The following ARB2A variants were observed in gnomAD, a reference collection of about 807,000 sequenced individuals.
The protein encoded by ARB2A is cotranscriptional regulator ARB2A.
chr5:94,012,713 C>CT, the ARB2A span, among the ~76,000 whole-genome samples: 2 of 151,898 alleles, frequency 1.3e-5, no homozygotes, highest in Non-Finnish European at 1.5e-5. Context: ...ATGCTTATTG[C>CT]TTTTTTTTGT....
the ARB2A span, chr5:93,881,707 A>C: frequency 6.9e-7 from 1 of 1,444,374 alleles, no homozygotes; most frequent in South Asian, 1.5e-5. Context: ...AAATGAAAGA[A>C]GGTAGCATAA....
the ARB2A span, among the ~76,000 whole-genome samples, chr5:93,902,509 T>C: frequency 1.3e-5 from 2 of 152,110 alleles, no homozygotes; most frequent in African/African-American, 2.4e-5. Context: ...CTTTCCCATA[T>C]CAAATTAGAG....
chr5:93,999,943 T>C, the ARB2A span, among the ~76,000 whole-genome samples: 6 of 152,234 alleles, frequency 3.9e-5, no homozygotes, highest in Non-Finnish European at 8.8e-5. Flanking sequence ...TTTTTCCACT[T>C]AGAAATATAT....
the ARB2A span, among the ~76,000 whole-genome samples, chr5:93,631,404 A>G: frequency 6.6e-6 from 1 of 152,204 alleles, no homozygotes; most frequent in East Asian, 1.9e-4. Flanking sequence ...TGTTGCCACA[A>G]GGTCTTGCCT....
the ARB2A span, among the ~76,000 whole-genome samples, chr5:94,106,912 C>T: frequency 6.9e-6 from 1 of 144,654 alleles, no homozygotes; most frequent in African/African-American, 2.5e-5. Flanking sequence ...CATGTTCTCA[C>T]TTATACATGA....
At chr5:93,960,630 G>C in the ARB2A span, among the ~76,000 whole-genome samples, 1 of 152,164 alleles carries the variant, frequency 6.6e-6, no homozygotes, top group Non-Finnish European at 1.5e-5. Context: ...AGCCTCACCA[G>C]TGACTTCCTT....
the ARB2A span, among the ~76,000 whole-genome samples, chr5:94,105,768 G>GA: frequency 0.14 from 18,507 of 129,688 alleles, 1,245 homozygotes; most frequent in Middle Eastern, 0.2. Context: ...CATGGTACTG[G>GA]AAAAAAAAAA....
chr5:93,811,036 C>T, the ARB2A span, among the ~76,000 whole-genome samples: 5 of 152,060 alleles, frequency 3.3e-5, no homozygotes, highest in South Asian at 2.1e-4. Context: ...TTGGTAGGTG[C>T]TATTCTACAT....
At chr5:94,012,744 T>C in the ARB2A span, among the ~76,000 whole-genome samples, 3 of 152,194 alleles carry the variant, frequency 2.0e-5, no homozygotes, top group Admixed American at 6.5e-5. Flanking sequence ...AAGACTGTTA[T>C]CAAGCAGAAT....
At chr5:93,762,509 T>C in the ARB2A span, among the ~76,000 whole-genome samples, 1 of 150,956 alleles carries the variant, frequency 6.6e-6, no homozygotes, top group Non-Finnish European at 1.5e-5. Context: ...GACAAAAGAG[T>C]AAAAAGAAAT....
At chr5:93,734,515 G>A in the ARB2A span, 1 of 152,204 alleles carries the variant, frequency 6.6e-6, no homozygotes, top group Middle Eastern at 3.4e-3. Flanking sequence ...ACATTATTCT[G>A]CTTATACTCT....
chr5:94,055,321 A>G, the ARB2A span, among the ~76,000 whole-genome samples: 1 of 152,200 alleles, frequency 6.6e-6, no homozygotes, highest in Non-Finnish European at 1.5e-5. Flanking sequence ...CAAAAGAAAT[A>G]TCTCAGAAAT....
chr5:93,859,939 G>A, the ARB2A span, among the ~76,000 whole-genome samples: 1 of 152,166 alleles, frequency 6.6e-6, no homozygotes, highest in Non-Finnish European at 1.5e-5. Context: ...CTACTAATAA[G>A]TATAGATTCT....
chr5:94,106,680 T>C, the ARB2A span, among the ~76,000 whole-genome samples: 1 of 152,010 alleles, frequency 6.6e-6, no homozygotes, highest in East Asian at 1.9e-4. Flanking sequence ...TGTACTCATA[T>C]GTCCATCGCA....
the ARB2A span, among the ~76,000 whole-genome samples, chr5:93,949,062 T>C: frequency 6.6e-6 from 1 of 152,170 alleles, no homozygotes; most frequent in African/African-American, 2.4e-5. Flanking sequence ...CATATCTTAC[T>C]AGCTAACCCC....
At chr5:93,822,734 T>C in the ARB2A span, among the ~76,000 whole-genome samples, 1 of 152,006 alleles carries the variant, frequency 6.6e-6, no homozygotes, top group Non-Finnish European at 1.5e-5. Context: ...AGTAGTGTGC[T>C]AAAGAGCTAT....
chr5:93,734,566 T>C, the ARB2A span: 12 of 152,196 alleles, frequency 7.9e-5, no homozygotes, highest in Non-Finnish European at 1.6e-4. Flanking sequence ...ACTTGCCTTG[T>C]CTATAGGAAA....
At chr5:93,678,592 T>C in the ARB2A span, among the ~76,000 whole-genome samples, 3 of 151,896 alleles carry the variant, frequency 2.0e-5, no homozygotes, top group Admixed American at 6.6e-5. Context: ...CCCGTCTTTA[T>C]TAAAAATACA....
the ARB2A span, among the ~76,000 whole-genome samples, chr5:93,656,766 T>C: frequency 6.6e-6 from 1 of 152,140 alleles, no homozygotes; most frequent in African/African-American, 2.4e-5. Flanking sequence ...GTTTTAAAAT[T>C]TGTTCAGGAT....
Sources: gnomAD v4.1 joint callset for allele counts (sites outside exome capture counted in the v4.1 genomes callset) on GRCh38, gnomAD v4.1.1 for gene constraint, MANE v1.5 for transcripts, NCBI Gene and HGNC (gene_info 2026-07-23, HGNC 2026-07-21) for gene names.